PIGN: variants seen among roughly 807,000 people sequenced by gnomAD.
PIGN encodes the protein phosphatidylinositol glycan anchor biosynthesis class N.
In PIGN, 117 loss-of-function variants were observed where a neutral mutation model predicts 125.4. The observed-to-expected ratio is 0.93, with a 90% confidence interval of 0.80 to 1.09. The LOEUF (loss-of-function observed/expected upper bound fraction) is 1.09. Among genes scored for constraint, PIGN ranks in the 50% least tolerant of loss-of-function variants. The pLI is 0.00. For synonymous variants in PIGN, 392 were observed against 377.8 expected (o/e 1.04, Z -0.44); for missense variants, 1,075 against 1,094.9 (o/e 0.98, Z 0.26).
At chr18:62,082,773 G>A in intron 27 of PIGN, 27 bp from the exon 28 acceptor site, 1 of 1,200,948 alleles carries the variant, frequency 8.3e-7, no homozygotes, top group East Asian at 2.6e-5. Flanking sequence ...AATGATGCAA[G>A]GAATAACTGA....
chr18:62,141,994 C>G (rs889182868), intron 11 of PIGN, among the ~76,000 whole-genome samples: 1 of 152,208 alleles, frequency 6.6e-6, no homozygotes, highest in Admixed American at 6.5e-5. Context: ...TCAGCTCATT[C>G]CTCGACTTCT....
intron 14 of PIGN, among the ~76,000 whole-genome samples, chr18:62,124,479 A>T (rs1302622310): frequency 1.3e-5 from 2 of 152,184 alleles, no homozygotes; most frequent in African/African-American, 4.8e-5. Flanking sequence ...GTAACTAAGG[A>T]CTTGGGAGTT....
chr18:62,113,129 C>T lies in PIGN; in HGVS notation c.1434+5G>A, dbSNP rs369486176. 17 of 1,595,682 alleles carry T rather than the reference C, an allele frequency of 1.1e-5. No homozygotes were observed. The highest frequency in any genetic ancestry group is 1.4e-5 in the Non-Finnish European group (16 of 1,169,384). ...CATCTGAATCCTCACATTTTCTAAA[C>T]GTACCTTCACTTCTTTACTAACACC... On this transcript the variant is annotated splice_donor_5th_base_variant and intron_variant, in intron 16 of 30. Coordinates refer to ENST00000640252, the MANE Select transcript of PIGN (RefSeq NM_176787.5).
intron 7 of PIGN, among the ~76,000 whole-genome samples, chr18:62,151,591 G>A (rs1030937421): frequency 6.6e-6 from 1 of 152,140 alleles, no homozygotes; most frequent in Non-Finnish European, 1.5e-5. Context: ...CATGGAAAGC[G>A]GCCAGCCTAT....
At position 62,145,954 on chromosome 18, in the gene PIGN, G is replaced by A. The variant is rs2036312779; in HGVS notation, c.877C>T (p.Pro293Ser). 6.2e-7 allele frequency: 1 copy of A among 1,608,714 alleles called. No homozygotes were observed. The highest frequency in any genetic ancestry group is 1.1e-5 in the South Asian group (1 of 90,462). ...LVTWGAGIKY[P>S]QRVSAQQFDD... ...AATTGCTGAGCTGATACTCTTTGGG[G>A]ATACTTGATTCCAGCTCCCCAAGTG... Residue 293 changes from proline (P) to serine (S), a missense_variant, in exon 10 of 31, where the codon CCC becomes TCC. Physicochemically the swap from Pro to Ser is moderately conservative, Grantham distance 74. Transcript: ENST00000640252.
downstream of PIGN, among the ~76,000 whole-genome samples, chr18:62,037,165 G>A (rs987225722): frequency 7.2e-5 from 11 of 152,120 alleles, no homozygotes; most frequent in Admixed American, 6.5e-5. Flanking sequence ...AAGTGTTATC[G>A]TCTGTGTGGA....
intron 1 of PIGN, among the ~76,000 whole-genome samples, chr18:62,183,504 T>C (rs1174235385): frequency 6.6e-6 from 1 of 152,180 alleles, no homozygotes; most frequent in Non-Finnish European, 1.5e-5. Flanking sequence ...TCTTCCACTC[T>C]CTCCTAACAT....
chr18:62,122,016 C>T (rs535123602), intron 14 of PIGN, among the ~76,000 whole-genome samples: 4 of 152,118 alleles, frequency 2.6e-5, no homozygotes, highest in African/African-American at 7.2e-5. Context: ...AGAGAGTAGA[C>T]TGGTGGTTAC....
At chr18:62,182,240 A>G (rs1367792890) in intron 1 of PIGN, among the ~76,000 whole-genome samples, 1 of 152,166 alleles carries the variant, frequency 6.6e-6, no homozygotes, top group Non-Finnish European at 1.5e-5. Flanking sequence ...TTATTACCTA[A>G]TATGCAAAAG....
At chr18:62,138,748 C>T (rs1002365597) in intron 13 of PIGN, among the ~76,000 whole-genome samples, 5 of 152,036 alleles carry the variant, frequency 3.3e-5, no homozygotes, top group Admixed American at 6.5e-5. Flanking sequence ...TCTTTGTAAG[C>T]ATATGTGGTA....
chr18:62,042,182 G>C lies in PIGN; in HGVS notation c.*3674C>G, dbSNP rs1196485859. ...CTAAAAATATGAAAATTAGCCAGAC[G>C]TGGTGGTGGGCACCTGTAATCCCAG... On this transcript the variant is annotated 3_prime_UTR_variant, in exon 31 of 31. Coordinates refer to ENST00000640252, the MANE Select transcript of PIGN (RefSeq NM_176787.5). 6.6e-6 allele frequency: 1 copy of C among 151,982 alleles called. No individual in the cohort carries two copies. The highest frequency in any genetic ancestry group is 2.1e-4 in the South Asian group (1 of 4,812). 9.4% of individuals were successfully genotyped at this position (151,982 alleles called of 1,614,324 possible).
intron 21 of PIGN, among the ~76,000 whole-genome samples, chr18:62,101,773 T>C (rs1568176179): frequency 1.3e-5 from 2 of 152,236 alleles, no homozygotes; most frequent in East Asian, 3.8e-4. Flanking sequence ...TGAGTTTTGC[T>C]TTTTGTGTGT....
intron 14 of PIGN, among the ~76,000 whole-genome samples, chr18:62,120,633 T>A (rs1037604904): frequency 1.1e-4 from 16 of 152,084 alleles, no homozygotes; most frequent in African/African-American, 3.9e-4. Context: ...ATTAATTTAA[T>A]TTATATTAAA....
At chr18:62,137,962 C>T (rs2035995710) in intron 14 of PIGN, 1 of 334,876 alleles carries the variant, frequency 3.0e-6, no homozygotes, top group Non-Finnish European at 5.4e-6. Context: ...CCTGCCCCCA[C>T]ACCTTCCTAG....
chr18:62,129,968 T>C (rs1375261856), intron 14 of PIGN, among the ~76,000 whole-genome samples: 2 of 152,152 alleles, frequency 1.3e-5, no homozygotes, highest in Non-Finnish European at 2.9e-5. Flanking sequence ...TAGTGACTGG[T>C]GTCCTTGAGA....
chr18:62,142,732 G>A (rs951938090), intron 11 of PIGN, among the ~76,000 whole-genome samples: 3 of 152,106 alleles, frequency 2.0e-5, no homozygotes, highest in East Asian at 1.9e-4. Context: ...GGCTATTAAG[G>A]TAGCATGTTT....
Position 62,103,301 on chromosome 18 carries a change from T to C in PIGN, c.1860-399A>G, listed in dbSNP as rs1444349977. On this transcript the variant is annotated intron_variant, in intron 20 of 30. Coordinates refer to ENST00000640252, the MANE Select transcript of PIGN (RefSeq NM_176787.5). ...AAGTATATTATCAGTATCTACAACA[T>C]GTATTTTGTGATTATGAAACTTACT... Among the ~76,000 whole-genome samples, 3 of 151,804 alleles carry C rather than the reference T, an allele frequency of 2.0e-5. No individual in the cohort carries two copies. The East Asian group carries it at 5.9e-4, about 30-fold the overall frequency.
At chr18:62,131,004 T>A (rs542153352) in intron 14 of PIGN, among the ~76,000 whole-genome samples, 4 of 152,156 alleles carry the variant, frequency 2.6e-5, no homozygotes, top group Non-Finnish European at 5.9e-5. Flanking sequence ...ACAGAAGTTT[T>A]TTTTAAAGAT....
At chr18:62,148,104 G>T in intron 8 of PIGN, 110 bp downstream of exon 8, 2 of 810,136 alleles carry the variant, frequency 2.5e-6, no homozygotes, top group South Asian at 2.0e-5. Context: ...TACAGTAGTT[G>T]TTTAAAATAT....
Sources: allele counts gnomAD v4.1 joint callset (sites outside exome capture counted in the v4.1 genomes callset), GRCh38; gene constraint gnomAD v4.1.1; transcripts MANE v1.5; gene names NCBI Gene and HGNC (gene_info 2026-07-23, HGNC 2026-07-21).